PRKG1: variants seen among roughly 807,000 people sequenced by gnomAD.
The protein encoded by PRKG1 is protein kinase cGMP-dependent 1, also known as cGMP-dependent protein kinase 1.
A neutral mutation model predicts 88.1 loss-of-function variants in PRKG1; 35 were observed. That is an observed-to-expected ratio of 0.40 (90% CI 0.30 to 0.53). PRKG1 has a LOEUF of 0.53. Among genes scored for constraint, PRKG1 ranks in the 20% least tolerant of loss-of-function variants. PRKG1 has a pLI of 0.59. For missense variants in PRKG1, 540 were observed against 839.8 expected (o/e 0.64, Z 4.41); for synonymous variants, 303 against 292.5 (o/e 1.04, Z -0.37).
chr10:51,239,717 T>G (rs1173293992), intron 2 of PRKG1, among the ~76,000 whole-genome samples: 1 of 152,096 alleles, frequency 6.6e-6, no homozygotes, highest in Non-Finnish European at 1.5e-5. Context: ...GAGGAAGTGG[T>G]TACAAGAAAG....
At chr10:51,693,751 T>A (rs1330501184) in intron 3 of PRKG1, among the ~76,000 whole-genome samples, 1 of 152,170 alleles carries the variant, frequency 6.6e-6, no homozygotes, top group South Asian at 2.1e-4. Flanking sequence ...ACATGTTATA[T>A]ATTGTTGTAG....
intron 5 of PRKG1, among the ~76,000 whole-genome samples, chr10:51,911,477 C>G (rs1269025183): frequency 6.6e-6 from 1 of 152,142 alleles, no homozygotes; most frequent in African/African-American, 2.4e-5. Flanking sequence ...TATTTTATGT[C>G]AGATTTTCTA....
chr10:51,513,073 T>C (rs10997878), intron 3 of PRKG1, among the ~76,000 whole-genome samples: 36,493 of 151,448 alleles, frequency 0.24, 5,641 homozygotes, highest in East Asian at 0.79. Context: ...TTGTTTGAGT[T>C]CATTGTAGAT....
chr10:51,868,522 C>T (rs1031857038), intron 4 of PRKG1, among the ~76,000 whole-genome samples: 4 of 151,898 alleles, frequency 2.6e-5, no homozygotes, highest in African/African-American at 9.7e-5. Context: ...CTGTAGGATA[C>T]TGAAAATATT....
chr10:51,090,575 T>C (rs1309472016), intron 1 of PRKG1, among the ~76,000 whole-genome samples: 1 of 152,182 alleles, frequency 6.6e-6, no homozygotes, highest in African/African-American at 2.4e-5. Flanking sequence ...ATTTAAACCA[T>C]GTTAAAAAAA....
intron 2 of PRKG1, among the ~76,000 whole-genome samples, chr10:51,371,379 A>G (rs1009568533): frequency 7.2e-5 from 11 of 152,018 alleles, no homozygotes; most frequent in African/African-American, 2.4e-4. Context: ...CTTTAAAAAA[A>G]TAAAAGAAAA....
chr10:51,651,962 G>A (rs1212510298), intron 3 of PRKG1, among the ~76,000 whole-genome samples: 1 of 152,124 alleles, frequency 6.6e-6, no homozygotes, highest in African/African-American at 2.4e-5. Flanking sequence ...GCTTTTAATA[G>A]ATGTGTTCCA....
rs192011766 is a variant in PRKG1, at chr10:51,419,274, C to G, written c.479-48449C>G. Among the ~76,000 whole-genome samples, 213 of 152,166 alleles carry G rather than the reference C, an allele frequency of 1.4e-3. 1 individual carries two copies. The highest frequency in any genetic ancestry group is 1.8e-3 in the Non-Finnish European group (124 of 68,012). On this transcript the variant is annotated intron_variant, in intron 2 of 17. Transcript: ENST00000373980. The stretch of plus-strand genomic sequence containing the variant: ...ACAGGTGCAGTATATCAGTGACAAT[C>G]ACTGATTCTCAAGGAAGTGAAGGGA...
At chr10:51,213,780 G>A (rs1471675407) in intron 2 of PRKG1, among the ~76,000 whole-genome samples, 1 of 152,136 alleles carries the variant, frequency 6.6e-6, no homozygotes, top group Non-Finnish European at 1.5e-5. Flanking sequence ...GTGTGTTTAT[G>A]TGTGTGTGCA....
At chr10:51,228,932 T>G (rs1406840382) in intron 2 of PRKG1, among the ~76,000 whole-genome samples, 1 of 152,204 alleles carries the variant, frequency 6.6e-6, no homozygotes, top group African/African-American at 2.4e-5. Context: ...GAACTTGCAC[T>G]GTTTCTTTCC....
At chr10:52,227,866 T>C (rs1022368576) in intron 9 of PRKG1, among the ~76,000 whole-genome samples, 2 of 152,172 alleles carry the variant, frequency 1.3e-5, no homozygotes, top group African/African-American at 4.8e-5. Flanking sequence ...CTCTGGGTAA[T>C]GCGTGAGAAA....
At chr10:51,462,605 T>C (rs1839774325) in intron 2 of PRKG1, among the ~76,000 whole-genome samples, 1 of 152,202 alleles carries the variant, frequency 6.6e-6, no homozygotes, top group Non-Finnish European at 1.5e-5. Context: ...TTAGGACTTA[T>C]GACTCAGCTC....
At chr10:51,697,264 G>C (rs1324016894) in intron 3 of PRKG1, 1 of 158,608 alleles carries the variant, frequency 6.3e-6, no homozygotes, top group African/African-American at 2.4e-5. Context: ...TATACTTTTG[G>C]GTAAACTTTT....
intron 3 of PRKG1, among the ~76,000 whole-genome samples, chr10:51,625,933 C>A (rs1172890667): frequency 6.6e-6 from 1 of 152,198 alleles, no homozygotes; most frequent in Non-Finnish European, 1.5e-5. Context: ...TTGTCATTCA[C>A]TCTACCTTGC....
chr10:50,996,112 A>C (rs1842834404), intron 1 of PRKG1, among the ~76,000 whole-genome samples: 1 of 152,210 alleles, frequency 6.6e-6, no homozygotes, highest in South Asian at 2.1e-4. Flanking sequence ...ATGCTATAAA[A>C]TAGCAATGAA....
At chr10:51,532,120 C>T (rs1413659662) in intron 3 of PRKG1, among the ~76,000 whole-genome samples, 1 of 152,170 alleles carries the variant, frequency 6.6e-6, no homozygotes, top group African/African-American at 2.4e-5. Context: ...TTACCTCTCT[C>T]AGTGAGGGAA....
intron 2 of PRKG1, among the ~76,000 whole-genome samples, chr10:51,398,632 C>T (rs1002561909): frequency 6.6e-6 from 1 of 152,212 alleles, no homozygotes; most frequent in Non-Finnish European, 1.5e-5. Flanking sequence ...TATGTGTCAA[C>T]TTGACTAGGT....
At position 51,574,216 on chromosome 10, in the gene PRKG1, A is replaced by G. The variant is rs146176470; in HGVS notation, c.592+106380A>G. 3.5e-3 allele frequency among the ~76,000 whole-genome samples: 532 copies of G among 152,104 alleles called. 2 individuals are homozygous for G. The highest frequency in any genetic ancestry group is 0.017 in the Middle Eastern group (5 of 294). The stretch of plus-strand genomic sequence containing the variant: ...ATCTCTGATGTCTTAGAGCAACAGC[A>G]TAATTTACATCTTCATCTTAGTGAA... On this transcript the variant is annotated intron_variant, in intron 3 of 17. Transcript: ENST00000373980.
At chr10:51,946,111 T>G (rs571552262) in intron 5 of PRKG1, among the ~76,000 whole-genome samples, 2 of 152,094 alleles carry the variant, frequency 1.3e-5, no homozygotes, top group Non-Finnish European at 1.5e-5. Context: ...CAGACGTAGA[T>G]TTGGTCTTCT....
Sources: allele counts gnomAD v4.1 joint callset (sites outside exome capture counted in the v4.1 genomes callset), GRCh38; gene constraint gnomAD v4.1.1; transcripts MANE v1.5; gene names NCBI Gene and HGNC (gene_info 2026-07-23, HGNC 2026-07-21).